GRIP1: variants seen among roughly 807,000 people sequenced by gnomAD.
GRIP1 encodes glutamate receptor interacting protein 1.
GRIP1 carries 45 observed loss-of-function variants against 129.9 expected under a neutral mutation model. That is an observed-to-expected ratio of 0.35 (90% CI 0.27 to 0.44). GRIP1 has a LOEUF of 0.44. Among genes scored for constraint, GRIP1 ranks in the 20% least tolerant of loss-of-function variants. GRIP1 has a pLI of 1.00. For synonymous variants in GRIP1, 530 were observed against 520.8 expected, an observed-to-expected ratio of 1.02 and a Z score of -0.24; for missense variants, 1,196 against 1,396.8, an observed-to-expected ratio of 0.86 and a Z score of 2.29.
At chr12:66,757,507 G>C (rs1460251515) in intron 1 of GRIP1, among the ~76,000 whole-genome samples, 1 of 152,082 alleles carries the variant, frequency 6.6e-6, no homozygotes, top group Non-Finnish European at 1.5e-5. Flanking sequence ...CAGCAACAAA[G>C]GTTGCTTCCA....
chr12:66,487,224 TA>T (rs1041613781), intron 7 of GRIP1, among the ~76,000 whole-genome samples: 11 of 152,068 alleles, frequency 7.2e-5, no homozygotes, highest in African/African-American at 2.7e-4. Context: ...GAAGATTTTT[TA>T]AAAAGGGGCA....
intron 1 of GRIP1, among the ~76,000 whole-genome samples, chr12:66,923,980 G>T (rs946167993): frequency 1.3e-5 from 2 of 152,092 alleles, no homozygotes; most frequent in Admixed American, 1.3e-4. Flanking sequence ...GAGTAGCTGG[G>T]ATTACATGTA....
chr12:66,619,133 C>T lies in GRIP1; in HGVS notation c.56-22206G>A, dbSNP rs937580504. ...CCAAGGAATGAAGATCAAGATAAGACAAAATAAGATAAACTAGAACATATA... is the reference window on the plus strand; with the variant it reads ...CCAAGGAATGAAGATCAAGATAAGATAAAATAAGATAAACTAGAACATATA... On this transcript the variant is annotated intron_variant, in intron 1 of 24. Coordinates refer to ENST00000359742, the MANE Select transcript of GRIP1 (RefSeq NM_001366722.1). Among the ~76,000 whole-genome samples the T allele has an allele frequency of 9.9e-5, 15 of 151,866 alleles. 1 individual carries two copies. Among genetic ancestry groups the T allele is most frequent in the Non-Finnish European group, 1.5e-5 (1 of 67,960 alleles).
chr12:66,582,077 C>A (rs1368919070), intron 2 of GRIP1, among the ~76,000 whole-genome samples: 4 of 152,082 alleles, frequency 2.6e-5, no homozygotes, highest in Non-Finnish European at 5.9e-5. Flanking sequence ...GGGCTTCAAC[C>A]CTGGGATGCA....
chr12:66,714,716 T>A (rs1312696179), intron 1 of GRIP1, among the ~76,000 whole-genome samples: 3 of 152,090 alleles, frequency 2.0e-5, no homozygotes, highest in Admixed American at 6.6e-5. Context: ...GTACTTATTA[T>A]GATGACCTCT....
intron 1 of GRIP1, among the ~76,000 whole-genome samples, chr12:66,974,394 A>G (rs76040064): frequency 0.011 from 1,730 of 152,236 alleles, 40 homozygotes; most frequent in African/African-American, 0.04. Flanking sequence ...TTGTTAACTT[A>G]TTTATTGAGT....
intron 5 of GRIP1, among the ~76,000 whole-genome samples, chr12:66,526,199 A>C (rs2061232220): frequency 6.6e-6 from 1 of 150,858 alleles, no homozygotes; most frequent in Non-Finnish European, 1.5e-5. Flanking sequence ...ATATGGAACC[A>C]AAAAAGAGCC....
chr12:66,889,425 C>T (rs2040620024), intron 1 of GRIP1, among the ~76,000 whole-genome samples: 1 of 152,200 alleles, frequency 6.6e-6, no homozygotes, highest in South Asian at 2.1e-4. Context: ...CACACCATTG[C>T]ACTCCAGCCT....
At position 66,631,022 on chromosome 12, in the gene GRIP1, G is replaced by A. The variant is rs535116571; in HGVS notation, c.56-34095C>T. On this transcript the variant is annotated intron_variant, in intron 1 of 24. Transcript: ENST00000359742. ...ATGATCTCCACTCACTGCAACCTCC[G>A]CCTCCCAGGTTCAAACGATTCTCCT... 1.4e-4 allele frequency among the ~76,000 whole-genome samples: 22 copies of A among 151,830 alleles called. No homozygotes were observed. The South Asian group carries it at 3.8e-3, about 26-fold the overall frequency.
intron 1 of GRIP1, among the ~76,000 whole-genome samples, chr12:66,775,127 A>G (rs2037937984): frequency 6.6e-6 from 1 of 152,188 alleles, no homozygotes; most frequent in East Asian, 1.9e-4. Context: ...AAATTAAATT[A>G]AAGGATGCAT....
chr12:66,477,926 T>A (rs1191475115), intron 7 of GRIP1, among the ~76,000 whole-genome samples: 1 of 151,940 alleles, frequency 6.6e-6, no homozygotes, highest in Non-Finnish European at 1.5e-5. Flanking sequence ...ATAAAAACCC[T>A]AGAAGAAAAC....
rs1382954412 is a variant in GRIP1 at position 66,462,965 on chromosome 12, G to A, written c.1001C>T (p.Pro334Leu). The change falls in exon 9 of 25, where the codon CCC becomes CTC. Residue 334 changes from proline to leucine, a missense_variant. Transcript: ENST00000359742. ...TAGGGCCAGCCGGGTCTGATGATGG[G>A]GAAGGATCTCAAGCTTGACCTGGTC... ...TTDQVKLEIL[P>L]HHQTRLALKG... 1 of 1,614,056 alleles carries A rather than the reference G, an allele frequency of 6.2e-7. No homozygotes were observed. The highest frequency in any genetic ancestry group is 1.1e-5 in the South Asian group (1 of 91,048).
chr12:66,815,856 C>CTT (rs11458006), intron 1 of GRIP1, among the ~76,000 whole-genome samples: 7,746 of 133,772 alleles, frequency 0.058, 246 homozygotes, highest in African/African-American at 0.1. Context: ...TTCTTTCTTT[C>CTT]TCTCTCTCTC....
At chr12:66,462,903 G>T in intron 9 of GRIP1, 21 bp downstream of exon 9, 4 of 1,574,096 alleles carry the variant, frequency 2.5e-6, no homozygotes, top group Non-Finnish European at 3.5e-6. Context: ...GAAAGAGCTT[G>T]ATCCAGGTGG....
intron 1 of GRIP1, among the ~76,000 whole-genome samples, chr12:66,831,440 T>C (rs2039515886): frequency 6.6e-6 from 1 of 152,214 alleles, no homozygotes; most frequent in South Asian, 2.1e-4. Flanking sequence ...AGCCCAAGAT[T>C]GAAGGTAAGA....
intron 1 of GRIP1, among the ~76,000 whole-genome samples, chr12:66,811,609 T>C (rs2039106378): frequency 2.6e-5 from 4 of 152,140 alleles, no homozygotes; most frequent in Admixed American, 2.0e-4. Context: ...TCTGATTCTC[T>C]CTCTCTCTCT....
chr12:66,568,668 A>T (rs901091102), intron 2 of GRIP1: 3 of 211,048 alleles, frequency 1.4e-5, no homozygotes, highest in African/African-American at 7.1e-5. Flanking sequence ...TGTTGATGAC[A>T]TTCATCAGCA....
intron 1 of GRIP1, among the ~76,000 whole-genome samples, chr12:66,936,770 G>A (rs1221692936): frequency 6.6e-6 from 1 of 152,148 alleles, no homozygotes; most frequent in Non-Finnish European, 1.5e-5. Flanking sequence ...CATTAGAACT[G>A]CATTAAAGCA....
chr12:66,999,122 A>G (rs1186263934), intron 1 of GRIP1, among the ~76,000 whole-genome samples: 1 of 152,192 alleles, frequency 6.6e-6, no homozygotes, highest in African/African-American at 2.4e-5. Context: ...AACAGTTCCA[A>G]GACTGAGGAG....
Sources: allele counts gnomAD v4.1 joint callset (sites outside exome capture counted in the v4.1 genomes callset), GRCh38; gene constraint gnomAD v4.1.1; transcripts MANE v1.5; gene names NCBI Gene and HGNC (gene_info 2026-07-23, HGNC 2026-07-21).